The following DGKG variants were observed in gnomAD, a reference collection of about 807,000 sequenced individuals.
DGKG encodes the protein diacylglycerol kinase gamma.
Under a neutral mutation model 105.3 loss-of-function variants are expected in DGKG, and 78 were observed. That is an observed-to-expected ratio of 0.74 (90% CI 0.62 to 0.89). The LOEUF is 0.89. Ranked by LOEUF, DGKG falls within the 40% of genes least tolerant of loss-of-function variation. The pLI, the probability that DGKG is intolerant of heterozygous loss-of-function variation, is 0.00. For synonymous variants in DGKG, 346 were observed against 367.1 expected, an observed-to-expected ratio of 0.94 and a Z score of 0.66; for missense variants, 958 against 1,020.1, an observed-to-expected ratio of 0.94 and a Z score of 0.83.
At chr3:186,328,685 C>G (rs1178987584) in intron 1 of DGKG, among the ~76,000 whole-genome samples, 1 of 151,590 alleles carries the variant, frequency 6.6e-6, no homozygotes, top group African/African-American at 2.4e-5. Context: ...AAGTGATTCT[C>G]CTGCCTCAGC....
chr3:186,149,790 T>C lies in DGKG; in HGVS notation c.*300A>G. 1 of 1,102,342 alleles carries C rather than the reference T, an allele frequency of 9.1e-7. No individual in the cohort carries two copies. Among genetic ancestry groups the C allele is most frequent in the Non-Finnish European group, 1.1e-6 (1 of 904,160 alleles). 68.3% of individuals were successfully genotyped at this position (1,102,342 alleles called of 1,614,324 possible). On this transcript the variant is annotated 3_prime_UTR_variant, in exon 25 of 25. Transcript: ENST00000265022. ...ATTTCCCTTCAGTCTCAGAAAATTC[T>C]GCTCAAGGCCTGTGGGAATGTGGAG...
intron 5 of DGKG, among the ~76,000 whole-genome samples, chr3:186,294,187 A>G (rs1220415832): frequency 1.3e-5 from 2 of 152,216 alleles, no homozygotes; most frequent in African/African-American, 4.8e-5. Context: ...TTCCGTTATC[A>G]TCATTGATCA....
chr3:186,357,721 C>T (rs1727041085), intron 1 of DGKG, among the ~76,000 whole-genome samples: 1 of 152,196 alleles, frequency 6.6e-6, no homozygotes, highest in Admixed American at 6.5e-5. Context: ...TCCCTCATCT[C>T]TTCGGGGCTA....
chr3:186,291,029 C>T (rs1440789583), intron 5 of DGKG, among the ~76,000 whole-genome samples: 1 of 152,098 alleles, frequency 6.6e-6, no homozygotes, highest in African/African-American at 2.4e-5. Flanking sequence ...TGAGTAAATG[C>T]CTTTCTGGTC....
intron 12 of DGKG, among the ~76,000 whole-genome samples, 173 bp from the exon 13 acceptor site, chr3:186,267,950 T>C (rs915985188): frequency 6.6e-6 from 1 of 151,922 alleles, no homozygotes; most frequent in African/African-American, 2.4e-5. Flanking sequence ...GTGTGTGTGG[T>C]TAAGGGTGCA....
chr3:186,216,062 A>C (rs1719276639), intron 20 of DGKG, among the ~76,000 whole-genome samples: 1 of 151,618 alleles, frequency 6.6e-6, no homozygotes, highest in Non-Finnish European at 1.5e-5. Context: ...ACAGTGGTAC[A>C]ATCTTGGCTC....
chr3:186,317,132 C>T (rs1205562461), intron 2 of DGKG, among the ~76,000 whole-genome samples: 3 of 152,230 alleles, frequency 2.0e-5, no homozygotes, highest in Non-Finnish European at 2.9e-5. Flanking sequence ...TTCATCCCTC[C>T]GCCTGCTCAG....
At chr3:186,154,669 G>T (rs923396856) in intron 24 of DGKG, among the ~76,000 whole-genome samples, 2 of 143,218 alleles carry the variant, frequency 1.4e-5, no homozygotes, top group African/African-American at 5.2e-5. Flanking sequence ...AAAAAGAAAA[G>T]AAAAAGAAAA....
chr3:186,169,634 G>A (rs944570960), intron 22 of DGKG, among the ~76,000 whole-genome samples: 4 of 152,122 alleles, frequency 2.6e-5, no homozygotes, highest in Non-Finnish European at 4.4e-5. Flanking sequence ...TTCCTCCTCT[G>A]TGCTTTTACA....
rs560478885 is a variant in DGKG at position 186,229,393 on chromosome 3, C to T, written c.1826+13111G>A. 7.9e-5 allele frequency among the ~76,000 whole-genome samples: 12 copies of T among 152,036 alleles called. No individual in the cohort carries two copies. The East Asian group carries it at 2.1e-3, about 27-fold the overall frequency. On this transcript the variant is annotated intron_variant, in intron 20 of 24. Transcript: ENST00000265022. Reference sequence around the variant, plus strand: ...GTAGCTGGGATTACAGGTGCCCACCCGCCACCATGCCCGGCTAATTTTTGT... The same window carrying T: ...GTAGCTGGGATTACAGGTGCCCACCTGCCACCATGCCCGGCTAATTTTTGT...
intron 21 of DGKG, among the ~76,000 whole-genome samples, chr3:186,195,138 G>A (rs1181681188): frequency 1.3e-5 from 2 of 151,988 alleles, no homozygotes; most frequent in African/African-American, 2.4e-5. Context: ...AAACATATAG[G>A]GAAAGCAGAG....
At chr3:186,223,592 C>A (rs1719708269) in intron 20 of DGKG, among the ~76,000 whole-genome samples, 1 of 152,140 alleles carries the variant, frequency 6.6e-6, no homozygotes, top group Admixed American at 6.5e-5. Flanking sequence ...CTTCCCTATT[C>A]CATCTTCTTC....
At chr3:186,281,337 G>T (rs1416468709) in intron 7 of DGKG, 1 of 152,382 alleles carries the variant, frequency 6.6e-6, no homozygotes, top group Non-Finnish European at 1.5e-5. Flanking sequence ...ATGTTTACTT[G>T]ATGACTGAGC....
intron 22 of DGKG, among the ~76,000 whole-genome samples, chr3:186,173,341 A>G (rs1406639427): frequency 6.6e-6 from 1 of 152,256 alleles, no homozygotes; most frequent in East Asian, 1.9e-4. Context: ...GTGATCTGTA[A>G]AAAGCCATGT....
chr3:186,199,255 A>G (rs994064685), intron 21 of DGKG, among the ~76,000 whole-genome samples: 4 of 151,898 alleles, frequency 2.6e-5, no homozygotes, highest in African/African-American at 9.7e-5. Context: ...GGCTTTCAGG[A>G]CAGTCCAGTA....
intron 20 of DGKG, among the ~76,000 whole-genome samples, chr3:186,220,580 C>T (rs2108528868): frequency 6.6e-6 from 1 of 152,340 alleles, no homozygotes; most frequent in Non-Finnish European, 1.5e-5. Flanking sequence ...CATTCTCATT[C>T]ATGCCTGTGA....
chr3:186,248,514 G>C (rs139401840), intron 19 of DGKG, among the ~76,000 whole-genome samples: 14 of 152,294 alleles, frequency 9.2e-5, no homozygotes, highest in African/African-American at 2.9e-4. Context: ...ACTTGGTCAG[G>C]ACCATCTGCA....
intron 1 of DGKG, among the ~76,000 whole-genome samples, chr3:186,330,875 A>T (rs1483549473): frequency 1.3e-5 from 2 of 152,226 alleles, no homozygotes; most frequent in East Asian, 3.8e-4. Context: ...ATAGACGAAT[A>T]ACATAATTGT....
intron 21 of DGKG, among the ~76,000 whole-genome samples, chr3:186,189,967 T>C (rs1384648920): frequency 2.0e-5 from 3 of 152,208 alleles, no homozygotes; most frequent in Non-Finnish European, 4.4e-5. Context: ...AAGATCACCA[T>C]TGTGCACATG....
Sources: allele counts gnomAD v4.1 joint callset (sites outside exome capture counted in the v4.1 genomes callset), GRCh38; gene constraint gnomAD v4.1.1; transcripts MANE v1.5; gene names NCBI Gene and HGNC (gene_info 2026-07-23, HGNC 2026-07-21).